The following GAS5 variants were observed in gnomAD, a reference collection of about 807,000 sequenced individuals.
GAS5 encodes the protein growth arrest specific 5.
At chr1:173,867,090 TTTTTTA>T (rs1302119813), upstream of GAS5, 11 of 644,344 alleles carry the variant, frequency 1.7e-5, no homozygotes, top group African/African-American at 1.7e-4. Context: ...CACGGTTCTT[TTTTTTA>T]AAGAGTGTTC....
rs201901194 is a variant in GAS5 at position 173,866,317 on chromosome 1, TA to T, written n.132-112del. ...AACTACCCCAGATACATCAGACAGA[TA>T]GTACATCTCTTCATGATTAAATCTG... On this transcript the variant is annotated intron_variant and non_coding_transcript_variant, in intron 3 of 7. Transcript: ENST00000651080. 624 of 519,334 alleles carry T rather than the reference TA, an allele frequency of 1.2e-3. 5 individuals are homozygous for T. In the East Asian group the frequency reaches 0.024, roughly 20 times the overall value. 32.2% of individuals were successfully genotyped at this position (519,334 alleles called of 1,614,324 possible).
upstream of GAS5, chr1:173,867,871 C>G: frequency 2.3e-6 from 1 of 438,190 alleles, no homozygotes; most frequent in Admixed American, 2.4e-5. Context: ...GCGCGACTGG[C>G]TTAGAAGTCC....
At chr1:173,865,975 T>TA in intron 4 of GAS5, 1 of 518,782 alleles carries the variant, frequency 1.9e-6, no homozygotes, top group South Asian at 1.4e-5. Context: ...TTTAGTCAGT[T>TA]AGAGCTAATT....
At chr1:173,867,067 T>A, upstream of GAS5, 2 of 687,998 alleles carry the variant, frequency 2.9e-6, no homozygotes, top group South Asian at 1.6e-5. Flanking sequence ...GTACAGATTT[T>A]AATTCATTGT....
At position 173,866,770 on chromosome 1, in the gene GAS5, T is replaced by A. The variant is rs1027165049; in HGVS notation, n.82A>T. On this transcript the variant is annotated non_coding_transcript_exon_variant, in exon 2 of 8. Coordinates refer to ENST00000651080, the Ensembl canonical transcript of GAS5. ...GGAATTTTCAACTTACTTCAGTAGC[T>A]ATTCTCATCCTTCCTTGGGGACACA... 3 of 765,306 alleles carry A rather than the reference T, an allele frequency of 3.9e-6. No homozygotes were observed. The African/African-American group carries it at 5.1e-5, about 13-fold the overall frequency. 47.4% of individuals were successfully genotyped at this position (765,306 alleles called of 1,614,324 possible). A position where few individuals can be genotyped will look rare whatever the true frequency, so the allele number is the denominator to read the frequency against.
chr1:173,866,583 T>C, intron 2 of GAS5: 2 of 761,430 alleles, frequency 2.6e-6, no homozygotes, highest in African/African-American at 1.7e-5. Context: ...AAGAAACAAC[T>C]TCATGTGAAC....
In GAS5 at chr1:173,864,088, AT is replaced by A. The variant is rs1388653582; in HGVS notation, n.324+168del. Reference sequence around the variant, plus strand: ...GTGAGGCAAGACCCTGTCTCAAAAAATAAGACAAGACTTTTAGCCACATTTA... The same window carrying A: ...GTGAGGCAAGACCCTGTCTCAAAAAAAAGACAAGACTTTTAGCCACATTTA... On this transcript the variant is annotated intron_variant and non_coding_transcript_variant, in intron 7 of 7. Transcript: ENST00000651080. 8.1e-6 allele frequency: 4 copies of A among 491,944 alleles called. No homozygotes were observed. The East Asian group carries it at 2.3e-4, about 28-fold the overall frequency. The allele number at this position is 491,944 out of a possible 1,614,324, so 30.5% of individuals were successfully genotyped here.
At chr1:173,865,600 TTCAAAGTTG>T (rs751862476) in intron 5 of GAS5, 1 of 519,206 alleles carries the variant, frequency 1.9e-6, no homozygotes, top group South Asian at 1.4e-5. Flanking sequence ...TTAAACTCTT[TTCAAAGTTG>T]TCTGTCACAG....
At chr1:173,866,409 A>G (rs751384597) in intron 3 of GAS5, 4 of 564,724 alleles carry the variant, frequency 7.1e-6, no homozygotes, top group African/African-American at 1.8e-5. Context: ...TAGTATCAAT[A>G]TGAGAGCAAA....
At chr1:173,867,955 C>T (rs965729854), upstream of GAS5, 4 of 357,436 alleles carry the variant, frequency 1.1e-5, no homozygotes, top group East Asian at 7.4e-5. Context: ...AAAGATAAAA[C>T]ATACCTCACA....
At chr1:173,864,420 T>G (rs1654238649) in intron 6 of GAS5, 1 of 518,982 alleles carries the variant, frequency 1.9e-6, no homozygotes, top group African/African-American at 1.9e-5. Flanking sequence ...TATATTTCAT[T>G]TGGCAGAATC....
chr1:173,868,296 A>G (rs1655137531), upstream of GAS5: 1 of 153,134 alleles, frequency 6.5e-6, no homozygotes, highest in Admixed American at 6.5e-5. Context: ...GGGGCGGTGT[A>G]AGGCTGAGTG....
intron 3 of GAS5, chr1:173,866,476 G>C (rs1305288441): frequency 1.6e-6 from 1 of 645,086 alleles, no homozygotes; most frequent in Non-Finnish European, 2.9e-6. Flanking sequence ...TCATTGCTTT[G>C]GCTATTTTCT....
intron 7 of GAS5, chr1:173,864,226 T>C (rs1264982799): frequency 5.8e-6 from 3 of 517,158 alleles, no homozygotes; most frequent in Non-Finnish European, 1.2e-5. Context: ...TATTCTGCAA[T>C]TATAATAGTC....
upstream of GAS5, chr1:173,868,897 A>T (rs1572041199): frequency 6.5e-6 from 1 of 152,752 alleles, no homozygotes; most frequent in Non-Finnish European, 1.5e-5. Context: ...GGCCAACCCC[A>T]TGCCGTTCCC....
chr1:173,867,180 G>A (rs12090169), upstream of GAS5: 3,577 of 577,214 alleles, frequency 6.2e-3, 83 homozygotes, highest in African/African-American at 0.061. Context: ...GACAGGTAAA[G>A]GATACACTTA....
chr1:173,867,856 A>G (rs1572035746), upstream of GAS5: 11 of 465,392 alleles, frequency 2.4e-5, no homozygotes, highest in East Asian at 6.6e-4. Context: ...AGGCCCTGCA[A>G]AGGCGCGCGA....
At chr1:173,867,529 C>T (rs1199817068), upstream of GAS5, 1 of 396,866 alleles carries the variant, frequency 2.5e-6, no homozygotes, top group Non-Finnish European at 5.1e-6. Flanking sequence ...AAAAAAGAAA[C>T]ACTAATGGAA....
At chr1:173,864,848 A>G (rs771467579) in intron 6 of GAS5, 2 of 519,182 alleles carry the variant, frequency 3.9e-6, no homozygotes. Context: ...GATAGGAGCG[A>G]AAGACTTAAT....
Sources: allele counts gnomAD v4.1 joint callset, GRCh38; gene constraint gnomAD v4.1.1; transcripts MANE v1.5; gene names NCBI Gene and HGNC (gene_info 2026-07-23, HGNC 2026-07-21).